The following CLEC16A variants were observed in gnomAD, a reference collection of about 807,000 sequenced individuals.
CLEC16A encodes the protein C-type lectin domain containing 16A.
In CLEC16A, 51 loss-of-function variants were observed where a neutral mutation model predicts 109.5. That is an observed-to-expected ratio of 0.47 (90% CI 0.37 to 0.59). The LOEUF is 0.59. Among genes scored for constraint, CLEC16A ranks in the 20% least tolerant of loss-of-function variants. The pLI is 0.00. For synonymous variants in CLEC16A, 673 were observed against 564.2 expected (o/e 1.19, Z -2.73); for missense variants, 1,339 against 1,394.0 (o/e 0.96, Z 0.63).
chr16:11,007,038 A>G (rs1029014152), intron 11 of CLEC16A, among the ~76,000 whole-genome samples: 6 of 152,200 alleles, frequency 3.9e-5, no homozygotes, highest in Admixed American at 6.5e-5. Context: ...CTTGCCCTTG[A>G]GTCTGAAAGG....
At chr16:10,949,546 G>A (rs1342095512) in intron 1 of CLEC16A, among the ~76,000 whole-genome samples, 1 of 152,168 alleles carries the variant, frequency 6.6e-6, no homozygotes, top group East Asian at 1.9e-4. Context: ...TGGTTCAGCA[G>A]GGGAGTGTTC....
At chr16:11,116,310 A>C (rs1321926592) in intron 19 of CLEC16A, among the ~76,000 whole-genome samples, 2 of 152,038 alleles carry the variant, frequency 1.3e-5, no homozygotes, top group Non-Finnish European at 2.9e-5. Context: ...CAGGAGGATC[A>C]CTTGAACCCA....
chr16:11,003,379 C>T, intron 11 of CLEC16A, 74 bp downstream of exon 11: 1 of 1,200,210 alleles, frequency 8.3e-7, no homozygotes, highest in Non-Finnish European at 1.2e-6. Context: ...CACCTGTGCC[C>T]TCTCCACCCA....
chr16:11,155,937 C>T (rs117466286), intron 22 of CLEC16A, among the ~76,000 whole-genome samples: 3 of 152,206 alleles, frequency 2.0e-5, no homozygotes, highest in East Asian at 3.8e-4. Flanking sequence ...CCCCTTTGTA[C>T]AGTGCCACCT....
At chr16:11,118,275 G>A (rs867945269) in intron 19 of CLEC16A, among the ~76,000 whole-genome samples, 4 of 152,130 alleles carry the variant, frequency 2.6e-5, no homozygotes, top group South Asian at 2.1e-4. Flanking sequence ...TCAAGTAAGA[G>A]AAGGAACCTA....
intron 19 of CLEC16A, among the ~76,000 whole-genome samples, chr16:11,074,428 G>A (rs2049239585): frequency 6.6e-6 from 1 of 152,224 alleles, no homozygotes; most frequent in African/African-American, 2.4e-5. Flanking sequence ...TAATAGAGCT[G>A]TCAGTTTTGT....
At chr16:11,141,950 GCTTTGCA>G (rs1293051050) in intron 22 of CLEC16A, among the ~76,000 whole-genome samples, 1 of 152,210 alleles carries the variant, frequency 6.6e-6, no homozygotes, top group Non-Finnish European at 1.5e-5. Flanking sequence ...GCAGTAGTGT[GCTTTGCA>G]CTTGGCCCCC....
Position 11,047,582 on chromosome 16 carries a change from A to T in CLEC16A, c.1866+240A>T, listed in dbSNP as rs2047701981. 3 of 345,648 alleles carry T rather than the reference A, an allele frequency of 8.7e-6. No homozygotes were observed. In the South Asian group the frequency reaches 2.2e-4, roughly 25 times the overall value. 21.4% of individuals were successfully genotyped at this position (345,648 alleles called of 1,614,324 possible). A position where few individuals can be genotyped will look rare whatever the true frequency, so the allele number is the denominator to read the frequency against. On this transcript the variant is annotated intron_variant, in intron 17 of 23. Coordinates refer to ENST00000409790, the MANE Select transcript of CLEC16A (RefSeq NM_015226.3). ...GAATCAGGATGATTCTCTGCTATGA[A>T]TAGTAATTTTGGGGACAGTATCATT...
chr16:11,047,604 C>T, intron 17 of CLEC16A: 1 of 306,980 alleles, frequency 3.3e-6, no homozygotes, highest in Non-Finnish European at 6.0e-6. Flanking sequence ...GGGACAGTAT[C>T]ATTTTATTGA....
chr16:11,099,321 G>A (rs1354235982), intron 19 of CLEC16A, among the ~76,000 whole-genome samples: 1 of 152,238 alleles, frequency 6.6e-6, no homozygotes, highest in Non-Finnish European at 1.5e-5. Flanking sequence ...CAACACGGTA[G>A]CCACTTGTGG....
chr16:11,176,261 A>G (rs910973649), intron 23 of CLEC16A, among the ~76,000 whole-genome samples: 8 of 152,274 alleles, frequency 5.3e-5, no homozygotes, highest in Admixed American at 2.0e-4. Context: ...CAAAGAAACC[A>G]GAATTCGCAT....
chr16:11,154,977 C>T (rs954971518), intron 22 of CLEC16A, among the ~76,000 whole-genome samples: 3 of 150,898 alleles, frequency 2.0e-5, no homozygotes, highest in Non-Finnish European at 3.0e-5. Flanking sequence ...AGAAAAATTA[C>T]CCAGGTGTGG....
chr16:11,075,014 A>AT (rs35659162), intron 19 of CLEC16A, among the ~76,000 whole-genome samples: 1 of 152,118 alleles, frequency 6.6e-6, no homozygotes, highest in Non-Finnish European at 1.5e-5. Context: ...CTCTACAAAA[A>AT]TTTTTTTAAA....
At chr16:11,049,699 C>T (rs1020528749) in intron 17 of CLEC16A, among the ~76,000 whole-genome samples, 2 of 152,224 alleles carry the variant, frequency 1.3e-5, no homozygotes, top group Non-Finnish European at 2.9e-5. Flanking sequence ...GTGACCTTTC[C>T]TTCATTTCCC....
rs765843203 is a variant in CLEC16A, at chr16:11,039,754, G to T, written c.1538G>T (p.Gly513Val). 26 of 1,597,234 alleles carry T rather than the reference G, an allele frequency of 1.6e-5. No individual in the cohort carries two copies. Among genetic ancestry groups the T allele is most frequent in the Non-Finnish European group, 2.2e-5 (26 of 1,171,946 alleles). Residue 513 changes from glycine to valine, a missense_variant and splice_region_variant, in exon 14 of 24, where the codon GGC becomes GTC. By Grantham distance (109) the Gly-to-Val change is moderately radical (BLOSUM62 -3). This residue lies in a region of CLEC16A where 1,061 missense variants were observed against 1,006.8 expected (regional missense o/e 1.05). Coordinates refer to ENST00000409790, the MANE Select transcript of CLEC16A (RefSeq NM_015226.3). ...CLLYAMSHNK[G>V]MDPEKLERIQ... Reference sequence around the variant, plus strand: ...CTTACATCCTTCTCCTCTGTTCCAGGCATGGATCCTGAAAAATTAGAGCGA... The same window carrying T: ...CTTACATCCTTCTCCTCTGTTCCAGTCATGGATCCTGAAAAATTAGAGCGA...
chr16:11,142,441 C>G (rs1267742322), intron 22 of CLEC16A, among the ~76,000 whole-genome samples: 1 of 152,238 alleles, frequency 6.6e-6, no homozygotes, highest in East Asian at 1.9e-4. Flanking sequence ...AAGCAGCTGT[C>G]TAGGCTTCAT....
intron 11 of CLEC16A, among the ~76,000 whole-genome samples, chr16:11,009,519 C>T (rs2152769571): frequency 6.6e-6 from 1 of 152,322 alleles, no homozygotes; most frequent in Non-Finnish European, 1.5e-5. Context: ...CTGCTCCCAG[C>T]TTTGCAGCCT....
intron 22 of CLEC16A, chr16:11,126,490 T>A (rs2052830505): frequency 9.6e-7 from 1 of 1,041,916 alleles, no homozygotes; most frequent in Non-Finnish European, 1.3e-6. Flanking sequence ...CCATGTAAGA[T>A]GACTAGAAAG....
At chr16:10,976,823 G>T (rs1219144949) in intron 7 of CLEC16A, among the ~76,000 whole-genome samples, 1 of 152,136 alleles carries the variant, frequency 6.6e-6, no homozygotes, top group Admixed American at 6.5e-5. Context: ...CCACTGGGGT[G>T]GCCACGGCTC....
Sources: allele counts gnomAD v4.1 joint callset (sites outside exome capture counted in the v4.1 genomes callset), GRCh38; gene constraint gnomAD v4.1.1; regional missense constraint gnomAD v4.1.1; transcripts MANE v1.5; gene names NCBI Gene and HGNC (gene_info 2026-07-23, HGNC 2026-07-21).